The following NFIB variants were observed in gnomAD, a reference collection of about 807,000 sequenced individuals.
The protein encoded by NFIB is nuclear factor 1 B-type.
Under a neutral mutation model 61.5 loss-of-function variants are expected in NFIB, and 11 were observed. The observed-to-expected ratio is 0.18, with a 90% confidence interval of 0.11 to 0.30. The LOEUF (loss-of-function observed/expected upper bound fraction) is 0.30, where lower values mean the gene tolerates loss of function less well. Among genes scored for constraint, NFIB ranks in the 10% least tolerant of loss-of-function variants. The pLI is 1.00. For missense variants in NFIB, 471 were observed against 608.9 expected, an observed-to-expected ratio of 0.77 and a Z score of 2.38; for synonymous variants, 260 against 216.5, an observed-to-expected ratio of 1.20 and a Z score of -1.76.
chr9:14,466,497 G>A, the NFIB span, among the ~76,000 whole-genome samples: 1 of 152,104 alleles, frequency 6.6e-6, no homozygotes, highest in East Asian at 1.9e-4. Context: ...TTCCCACTCT[G>A]TTGGCTTCAG....
chr9:14,447,676 T>C, the NFIB span, among the ~76,000 whole-genome samples: 1 of 152,166 alleles, frequency 6.6e-6, no homozygotes, highest in African/African-American at 2.4e-5. Flanking sequence ...ATAGCTGCAT[T>C]ATTTCTAGTT....
intron 1 of NFIB, among the ~76,000 whole-genome samples, chr9:14,383,469 C>T (rs184926014): frequency 2.6e-5 from 4 of 152,290 alleles, no homozygotes; most frequent in Admixed American, 2.6e-4. Context: ...TGCTAAGAAT[C>T]TGGGAAACCT....
chr9:14,307,035 T>C lies in NFIB; in HGVS notation c.516A>G (p.Ser172=), dbSNP rs746058873. 1.9e-6 allele frequency: 3 copies of C among 1,614,204 alleles called. No individual in the cohort carries two copies. The highest frequency in any genetic ancestry group is 3.3e-4 in the Middle Eastern group (2 of 6,062). The change falls in exon 2 of 11, where the codon TCA becomes TCG. Residue 172 remains serine (S), a synonymous_variant. Transcript: ENST00000380953. This position sits in a 1 kb window ranked among gnomAD's most constrained non-coding sequence, Gnocchi z 5.3. ...CCAAAAACAAATCAAGCTCCTTAAC[T>C]GATACTGTGATATGATGTGGCTGGA... The part of the protein sequence containing the change: ...LCVQPHHITV[S]VKELDLFLAY...
At chr9:14,322,279 T>G in intron 1 of NFIB, 1 of 393,620 alleles carries the variant, frequency 2.5e-6, no homozygotes, top group Non-Finnish European at 4.1e-6. Flanking sequence ...GTGCTTGACT[T>G]GAACGCCGTC....
chr9:14,145,132 G>A (rs566772601), intron 6 of NFIB, among the ~76,000 whole-genome samples: 1 of 152,014 alleles, frequency 6.6e-6, no homozygotes, highest in South Asian at 2.1e-4. Context: ...CCGTCTGAGG[G>A]GGGGGTCTCA....
the NFIB span, among the ~76,000 whole-genome samples, chr9:14,455,993 A>T: frequency 6.6e-6 from 1 of 152,180 alleles, no homozygotes; most frequent in Non-Finnish European, 1.5e-5. Flanking sequence ...TCAGTGGGAA[A>T]AGATGGATAA....
chr9:14,306,691 T>C (rs2060035493), intron 2 of NFIB, among the ~76,000 whole-genome samples: 1 of 152,216 alleles, frequency 6.6e-6, no homozygotes, highest in African/African-American at 2.4e-5. Context: ...TGAACTATAT[T>C]TGTTAGACTA....
intron 1 of NFIB, among the ~76,000 whole-genome samples, chr9:14,309,506 C>A (rs2060186199): frequency 6.6e-6 from 1 of 152,210 alleles, no homozygotes; most frequent in African/African-American, 2.4e-5. Flanking sequence ...AATCATTAAA[C>A]CGATCAGTAG....
At chr9:14,476,464 G>C in the NFIB span, among the ~76,000 whole-genome samples, 10 of 152,098 alleles carry the variant, frequency 6.6e-5, no homozygotes, top group Non-Finnish European at 1.0e-4. Flanking sequence ...TGATTGACTT[G>C]TCAGCCTCTC....
intron 2 of NFIB, among the ~76,000 whole-genome samples, chr9:14,287,859 T>C (rs534046745): frequency 3.3e-5 from 5 of 152,248 alleles, no homozygotes; most frequent in East Asian, 1.9e-4. Context: ...GATCAGCCCA[T>C]TGCTTTTAGC....
upstream of NFIB, among the ~76,000 whole-genome samples, chr9:14,401,229 G>C (rs1490748264): frequency 6.6e-6 from 1 of 152,168 alleles, no homozygotes; most frequent in Non-Finnish European, 1.5e-5. Context: ...ACCACACTAG[G>C]GATCAATCAG....
chr9:14,481,197 G>GTATATATATATA, the NFIB span, among the ~76,000 whole-genome samples: 724 of 45,692 alleles, frequency 0.016, 75 homozygotes, highest in Admixed American at 0.019. Flanking sequence ...GTGTGTGTGT[G>GTATATATATATA]TATATATATA....
At chr9:14,198,188 C>T (rs2048657115) in intron 2 of NFIB, among the ~76,000 whole-genome samples, 1 of 152,080 alleles carries the variant, frequency 6.6e-6, no homozygotes, top group Admixed American at 6.6e-5. Context: ...ATGGGGTTTC[C>T]CTTCCATAAC....
At chr9:14,531,347 C>A in the NFIB span, among the ~76,000 whole-genome samples, 1 of 152,158 alleles carries the variant, frequency 6.6e-6, no homozygotes, top group Non-Finnish European at 1.5e-5. Context: ...AAATAATGAA[C>A]TGAATATGCA....
intron 2 of NFIB, among the ~76,000 whole-genome samples, chr9:14,182,628 TC>T (rs1396060887): frequency 2.0e-5 from 3 of 150,688 alleles, no homozygotes; most frequent in Non-Finnish European, 4.4e-5. Context: ...GTCAAATTAC[TC>T]TATACCCAAA....
intron 2 of NFIB, among the ~76,000 whole-genome samples, chr9:14,200,834 T>C (rs2048960552): frequency 6.6e-6 from 1 of 152,182 alleles, no homozygotes; most frequent in South Asian, 2.1e-4. Flanking sequence ...TTTTGAGAAC[T>C]CTGTATCTCC....
At chr9:14,522,293 T>G in the NFIB span, among the ~76,000 whole-genome samples, 1 of 151,524 alleles carries the variant, frequency 6.6e-6, no homozygotes, top group African/African-American at 2.4e-5. Context: ...CCAGCGTTTA[T>G]GTGTGTAAAC....
chr9:14,499,063 TGTGG>T, the NFIB span, among the ~76,000 whole-genome samples: 1 of 151,810 alleles, frequency 6.6e-6, no homozygotes, highest in African/African-American at 2.4e-5. Context: ...TGTGTGCGTG[TGTGG>T]GTGTGTGTGT....
chr9:14,337,032 CTTCT>C (rs1257619174), intron 1 of NFIB, among the ~76,000 whole-genome samples: 1 of 152,120 alleles, frequency 6.6e-6, no homozygotes, highest in African/African-American at 2.4e-5. Flanking sequence ...GGATATTATT[CTTCT>C]TTGTTTTTGT....
Sources: allele counts gnomAD v4.1 joint callset (sites outside exome capture counted in the v4.1 genomes callset), GRCh38; gene constraint gnomAD v4.1.1; non-coding constraint Gnocchi (gnomAD v3.1); transcripts MANE v1.5; gene names NCBI Gene and HGNC (gene_info 2026-07-23, HGNC 2026-07-21).